TMEM132D: variants seen among roughly 807,000 people sequenced by gnomAD.
TMEM132D encodes the protein mature OL transmembrane protein.
Under a neutral mutation model 62.3 loss-of-function variants are expected in TMEM132D, and 21 were observed. The ratio of observed to expected loss-of-function variants is 0.34; its 90% CI spans 0.24 to 0.49. TMEM132D has a LOEUF of 0.49. Ranked by LOEUF, TMEM132D falls within the 20% of genes least tolerant of loss-of-function variation. The pLI is 0.99. For missense variants in TMEM132D, 1,346 were observed against 1,402.8 expected (o/e 0.96, Z 0.65); for synonymous variants, 621 against 575.6 (o/e 1.08, Z -1.13).
At chr12:129,415,527 G>A (rs1159443690) in intron 3 of TMEM132D, among the ~76,000 whole-genome samples, 1 of 152,216 alleles carries the variant, frequency 6.6e-6, no homozygotes, top group Non-Finnish European at 1.5e-5. Context: ...CCAGAGATGA[G>A]ATTTGCTTCT....
intron 5 of TMEM132D, among the ~76,000 whole-genome samples, chr12:129,125,374 C>T (rs780072150): frequency 2.6e-5 from 4 of 152,058 alleles, no homozygotes; most frequent in Admixed American, 2.0e-4. Flanking sequence ...GACACAATTC[C>T]CCTAGCTTGA....
At chr12:129,264,717 A>T (rs1399211432) in intron 4 of TMEM132D, among the ~76,000 whole-genome samples, 3 of 152,208 alleles carry the variant, frequency 2.0e-5, no homozygotes, top group Admixed American at 2.0e-4. Context: ...TATATATATG[A>T]TGGAATACTA....
intron 1 of TMEM132D, among the ~76,000 whole-genome samples, chr12:129,881,159 T>A (rs1874579676): frequency 6.6e-6 from 1 of 152,028 alleles, no homozygotes; most frequent in Admixed American, 6.5e-5. Flanking sequence ...GAATGCATAA[T>A]AATCCTAAAT....
intron 4 of TMEM132D, among the ~76,000 whole-genome samples, chr12:129,326,915 G>A (rs995112777): frequency 6.6e-6 from 1 of 151,898 alleles, no homozygotes; most frequent in African/African-American, 2.4e-5. Flanking sequence ...TAAATTTTGG[G>A]GGCAGGAACA....
chr12:129,847,623 A>G (rs528183597), intron 1 of TMEM132D, among the ~76,000 whole-genome samples: 1 of 152,210 alleles, frequency 6.6e-6, no homozygotes, highest in African/African-American at 2.4e-5. Flanking sequence ...GTAGTGGAGT[A>G]CAGATACCTG....
intron 5 of TMEM132D, among the ~76,000 whole-genome samples, chr12:129,153,664 A>G (rs1343150714): frequency 1.5e-4 from 23 of 152,046 alleles, no homozygotes; most frequent in Non-Finnish European, 4.4e-5. Context: ...GAACTCCAAA[A>G]TCAGGAGGGT....
chr12:129,221,072 T>C (rs1332618453), intron 4 of TMEM132D, among the ~76,000 whole-genome samples: 2 of 152,232 alleles, frequency 1.3e-5, no homozygotes, highest in Non-Finnish European at 1.5e-5. Context: ...TTCCAGGTCC[T>C]TACAGTTCAG....
At chr12:129,741,637 T>C (rs773369037) in intron 1 of TMEM132D, among the ~76,000 whole-genome samples, 2 of 152,150 alleles carry the variant, frequency 1.3e-5, no homozygotes, top group African/African-American at 2.4e-5. Context: ...TGCAAACTCA[T>C]ACGTTCTGCA....
intron 2 of TMEM132D, among the ~76,000 whole-genome samples, chr12:129,660,114 A>G (rs1297271245): frequency 1.3e-5 from 2 of 152,196 alleles, no homozygotes; most frequent in Non-Finnish European, 2.9e-5. Context: ...AGTAACCGGA[A>G]AAGGAGATTA....
chr12:129,764,835 G>A (rs2137277966), intron 1 of TMEM132D, among the ~76,000 whole-genome samples: 1 of 152,274 alleles, frequency 6.6e-6, no homozygotes, highest in Non-Finnish European at 1.5e-5. Context: ...CAGCTACTCA[G>A]GAGGTTGAGG....
intron 3 of TMEM132D, among the ~76,000 whole-genome samples, chr12:129,472,625 C>A (rs779072173): frequency 6.6e-6 from 1 of 152,062 alleles, no homozygotes; most frequent in Non-Finnish European, 1.5e-5. Context: ...ACAACCCCAT[C>A]AAAAAGAGGA....
At chr12:129,724,020 A>T (rs1868937537) in intron 1 of TMEM132D, among the ~76,000 whole-genome samples, 1 of 152,216 alleles carries the variant, frequency 6.6e-6, no homozygotes, top group South Asian at 2.1e-4. Context: ...ACTCTGTATT[A>T]TCTGGGTGGG....
At chr12:129,745,070 A>G (rs1432107010) in intron 1 of TMEM132D, among the ~76,000 whole-genome samples, 1 of 152,146 alleles carries the variant, frequency 6.6e-6, no homozygotes, top group Non-Finnish European at 1.5e-5. Flanking sequence ...GCTACCATGT[A>G]AGACATGCCT....
At chr12:129,382,607 G>A (rs1328863612) in intron 3 of TMEM132D, among the ~76,000 whole-genome samples, 2 of 152,264 alleles carry the variant, frequency 1.3e-5, no homozygotes, top group African/African-American at 2.4e-5. Context: ...AAGTGAACCG[G>A]CCAAAGAGGG....
chr12:129,564,594 G>A (rs894800618), intron 2 of TMEM132D, among the ~76,000 whole-genome samples: 4 of 152,130 alleles, frequency 2.6e-5, no homozygotes, highest in South Asian at 2.1e-4. Flanking sequence ...CACGTCCCTC[G>A]GCCACTCTCA....
Position 129,434,597 on chromosome 12 carries a change from T to C in TMEM132D, c.1115+96462A>G, listed in dbSNP as rs549031432. On this transcript the variant is annotated intron_variant, in intron 3 of 8. Coordinates refer to ENST00000422113, the MANE Select transcript of TMEM132D (RefSeq NM_133448.3). ...AGAGGAGGCTCCCAGAGGAGGTAAG[T>C]CCTGAGACGAATCCAGGATTTAGCC... Among the ~76,000 whole-genome samples the C allele has an allele frequency of 2.3e-4, 35 of 151,586 alleles. No homozygotes were observed. The East Asian group carries it at 6.6e-3, about 29-fold the overall frequency.
intron 1 of TMEM132D, among the ~76,000 whole-genome samples, chr12:129,789,545 C>T (rs1871341986): frequency 6.6e-6 from 1 of 152,196 alleles, no homozygotes; most frequent in Admixed American, 6.5e-5. Flanking sequence ...GAATACTACT[C>T]AGCTATAAAT....
intron 3 of TMEM132D, among the ~76,000 whole-genome samples, chr12:129,392,895 T>C (rs564800734): frequency 6.6e-6 from 1 of 152,150 alleles, no homozygotes; most frequent in African/African-American, 2.4e-5. Context: ...ACAAGACCCA[T>C]CGAGGATGCA....
intron 3 of TMEM132D, among the ~76,000 whole-genome samples, chr12:129,501,515 A>AT (rs963611718): frequency 6.3e-4 from 95 of 150,860 alleles, no homozygotes; most frequent in Admixed American, 1.9e-3. Flanking sequence ...AATTTTTTTT[A>AT]TTTTTTTTTG....
Sources: gnomAD v4.1 joint callset for allele counts (sites outside exome capture counted in the v4.1 genomes callset) on GRCh38, gnomAD v4.1.1 for gene constraint, MANE v1.5 for transcripts, NCBI Gene and HGNC (gene_info 2026-07-23, HGNC 2026-07-21) for gene names.